The following CSMD1 variants were observed in gnomAD, a reference collection of about 807,000 sequenced individuals.
The protein encoded by CSMD1 is CUB and Sushi multiple domains 1.
Under a neutral mutation model 417.5 loss-of-function variants are expected in CSMD1, and 213 were observed. The observed-to-expected ratio is 0.51, with a 90% CI of 0.46 to 0.57. CSMD1 has a LOEUF of 0.57. Among genes scored for constraint, CSMD1 ranks in the 20% least tolerant of loss-of-function variants. CSMD1 has a pLI of 0.00. For missense variants in CSMD1, 6,923 were observed against 4,529.7 expected, an observed-to-expected ratio of 1.53 and a Z score of -15.17; for synonymous variants, 2,862 against 1,736.8, an observed-to-expected ratio of 1.65 and a Z score of -16.11.
chr8:4,749,678 T>A (rs997715976), intron 1 of CSMD1, among the ~76,000 whole-genome samples: 1 of 152,182 alleles, frequency 6.6e-6, no homozygotes, highest in Admixed American at 6.5e-5. Flanking sequence ...AATTTATAAA[T>A]TTACCAAGTT....
chr8:4,549,713 A>G (rs2130556730), intron 2 of CSMD1, among the ~76,000 whole-genome samples: 1 of 151,546 alleles, frequency 6.6e-6, no homozygotes, highest in Admixed American at 6.6e-5. Flanking sequence ...ACATGGCAAA[A>G]CCCCGTCTCT....
intron 7 of CSMD1, among the ~76,000 whole-genome samples, chr8:3,706,867 A>C (rs1217866978): frequency 6.6e-6 from 1 of 152,222 alleles, no homozygotes; most frequent in African/African-American, 2.4e-5. Context: ...AAAACCCTTT[A>C]TTCCTTCTAC....
At chr8:4,095,013 C>G (rs1290758202) in intron 3 of CSMD1, among the ~76,000 whole-genome samples, 1 of 152,090 alleles carries the variant, frequency 6.6e-6, no homozygotes, top group East Asian at 1.9e-4. Context: ...ATGGAGAGAC[C>G]ATGGCAACAA....
At chr8:3,700,478 G>C (rs878489) in intron 7 of CSMD1, 1 of 152,156 alleles carries the variant, frequency 6.6e-6, no homozygotes, top group South Asian at 2.1e-4. Flanking sequence ...AAGATAGAAG[G>C]TGTGGATGCT....
intron 5 of CSMD1, among the ~76,000 whole-genome samples, chr8:3,825,109 A>C (rs1248706597): frequency 6.6e-6 from 1 of 152,138 alleles, no homozygotes; most frequent in Admixed American, 6.6e-5. Context: ...GGCATTTTCG[A>C]GGAAAATGAT....
rs181993884 is a variant in CSMD1 at position 4,795,131 on chromosome 8, G to C, written c.86-157573C>G. ...GATACAGCAAAAAATAACAACAGTAGACAGAAACTGGTAAAGACGTCTAAG... is the reference window on the plus strand; with the variant it reads ...GATACAGCAAAAAATAACAACAGTACACAGAAACTGGTAAAGACGTCTAAG... On this transcript the variant is annotated intron_variant, in intron 1 of 69. Coordinates refer to ENST00000635120, the MANE Select transcript of CSMD1 (RefSeq NM_033225.6). Among the ~76,000 whole-genome samples the C allele has an allele frequency of 2.4e-3, 357 of 151,654 alleles. 1 individual carries two copies. The highest frequency in any genetic ancestry group is 8.2e-3 in the African/African-American group (338 of 41,358).
chr8:3,109,044 C>G (rs1816334426), intron 43 of CSMD1, among the ~76,000 whole-genome samples: 1 of 152,154 alleles, frequency 6.6e-6, no homozygotes, highest in Non-Finnish European at 1.5e-5. Flanking sequence ...GCAGGCAGAT[C>G]ACCTGAGGTC....
In CSMD1 at chr8:3,201,676, T is replaced by G. The variant is rs962135325; in HGVS notation, c.5034A>C (p.Ala1678=). ...AYFQTALNDL[A]ELFDGTHAQA... Reference sequence around the variant, plus strand: ...GTGCATGGGTTCCATCAAATAATTCTGCCAAATCATTCAGGGCTGTCTGGA... The same window carrying G: ...GTGCATGGGTTCCATCAAATAATTCGGCCAAATCATTCAGGGCTGTCTGGA... The change falls in exon 32 of 70, where the codon GCA becomes GCC. Residue 1678 remains alanine, a synonymous_variant. Transcript: ENST00000635120. 1.2e-6 allele frequency: 2 copies of G among 1,606,456 alleles called. No homozygotes were observed. Among genetic ancestry groups the G allele is most frequent in the African/African-American group, 2.7e-5 (2 of 74,742 alleles).
At chr8:3,955,202 C>G (rs1194279620) in intron 5 of CSMD1, among the ~76,000 whole-genome samples, 1 of 152,186 alleles carries the variant, frequency 6.6e-6, no homozygotes, top group East Asian at 1.9e-4. Context: ...GTGCAGAGCA[C>G]CTTGAATGCG....
intron 1 of CSMD1, among the ~76,000 whole-genome samples, chr8:4,826,621 TG>T (rs1457404716): frequency 6.6e-6 from 1 of 152,116 alleles, no homozygotes; most frequent in African/African-American, 2.4e-5. Context: ...GGAGATAACT[TG>T]GGAGAAATTG....
intron 37 of CSMD1, among the ~76,000 whole-genome samples, chr8:3,170,731 T>G (rs929004127): frequency 3.3e-5 from 5 of 152,236 alleles, no homozygotes; most frequent in African/African-American, 1.2e-4. Context: ...GATCAAAAAT[T>G]GTTCACACTT....
intron 10 of CSMD1, among the ~76,000 whole-genome samples, chr8:3,526,354 T>C (rs1389594004): frequency 6.6e-6 from 1 of 152,168 alleles, no homozygotes; most frequent in East Asian, 1.9e-4. Flanking sequence ...CCAAATCCCT[T>C]TGGTGTGAGT....
Position 3,823,740 on chromosome 8 carries a change from G to A in CSMD1, c.819-69698C>T, listed in dbSNP as rs115561411. Among the ~76,000 whole-genome samples the A allele has an allele frequency of 9.2e-3, 1,397 of 152,108 alleles. 34 individuals are homozygous for A. The highest frequency in any genetic ancestry group is 0.031 in the African/African-American group (1,272 of 41,508). ...AATCAAATAACCTTTTTAACACAAA[G>A]TAAACTTATATGTTTTTCTCTAAAA... On this transcript the variant is annotated intron_variant, in intron 5 of 69. Coordinates refer to ENST00000635120, the MANE Select transcript of CSMD1 (RefSeq NM_033225.6).
At chr8:3,092,682 A>T (rs115325649) in intron 47 of CSMD1, among the ~76,000 whole-genome samples, 4,106 of 152,310 alleles carry the variant, frequency 0.027, 113 homozygotes, top group African/African-American at 0.068. Flanking sequence ...AAGTATAGGT[A>T]AGAAAAGAAA....
At chr8:4,794,386 T>C (rs962079833) in intron 1 of CSMD1, among the ~76,000 whole-genome samples, 4 of 152,170 alleles carry the variant, frequency 2.6e-5, no homozygotes, top group Admixed American at 2.6e-4. Flanking sequence ...ACATCCCCAT[T>C]AGAAAATCAA....
intron 3 of CSMD1, among the ~76,000 whole-genome samples, chr8:4,414,022 C>A (rs760466484): frequency 1.4e-4 from 22 of 151,942 alleles, no homozygotes; most frequent in Non-Finnish European, 2.8e-4. Flanking sequence ...TCTTCTTGTG[C>A]TAGCACGTTC....
intron 6 of CSMD1, among the ~76,000 whole-genome samples, chr8:3,721,170 A>AT (rs891861847): frequency 3.2e-4 from 49 of 151,124 alleles, no homozygotes; most frequent in Middle Eastern, 6.8e-3. Context: ...CTGAAACACC[A>AT]TTTTTTTTTC....
intron 48 of CSMD1, among the ~76,000 whole-genome samples, chr8:3,089,635 T>G (rs896410416): frequency 1.1e-4 from 17 of 152,184 alleles, no homozygotes; most frequent in Non-Finnish European, 2.5e-4. Flanking sequence ...TGCTCAAAAA[T>G]TACTGATGCT....
chr8:3,923,819 G>A (rs1809449965), intron 5 of CSMD1, among the ~76,000 whole-genome samples: 1 of 152,112 alleles, frequency 6.6e-6, no homozygotes, highest in South Asian at 2.1e-4. Flanking sequence ...CCCTGCGTCT[G>A]AGTTTCAATT....
Sources: allele counts gnomAD v4.1 joint callset (sites outside exome capture counted in the v4.1 genomes callset), GRCh38; gene constraint gnomAD v4.1.1; transcripts MANE v1.5; gene names NCBI Gene and HGNC (gene_info 2026-07-23, HGNC 2026-07-21).